Variants in THSD7B observed in about 807,000 individuals in gnomAD.
THSD7B encodes the protein thrombospondin type-1 domain-containing protein 7B.
Under a neutral mutation model 213.6 loss-of-function variants are expected in THSD7B, and 138 were observed. That is an observed-to-expected ratio of 0.65 (90% confidence interval 0.56 to 0.74). The LOEUF (loss-of-function observed/expected upper bound fraction) is 0.74. Ranked by LOEUF, THSD7B falls within the 30% of genes least tolerant of loss-of-function variation. The pLI, the probability that THSD7B is intolerant of heterozygous loss-of-function variation, is 0.00. For missense variants in THSD7B, 1,931 were observed against 1,991.5 expected (o/e 0.97, Z 0.58); for synonymous variants, 742 against 687.0 (o/e 1.08, Z -1.25).
intron 15 of THSD7B, among the ~76,000 whole-genome samples, chr2:137,465,126 A>G (rs889327795): frequency 6.6e-6 from 1 of 152,014 alleles, no homozygotes; most frequent in Non-Finnish European, 1.5e-5. Context: ...GCTCTGCCAT[A>G]TATTAATCCT....
chr2:137,543,991 T>A lies in THSD7B; in HGVS notation c.3139-19230T>A, dbSNP rs934007527. 4.6e-5 allele frequency among the ~76,000 whole-genome samples: 7 copies of A among 151,774 alleles called. No individual in the cohort carries two copies. In the South Asian group the frequency reaches 1.2e-3, roughly 27 times the overall value. Reference sequence around the variant, plus strand: ...AGTGTTGGTGAAGATGTTGAGTAATTGTAATCATCATGTATTGTTGGTGAG... The same window carrying A: ...AGTGTTGGTGAAGATGTTGAGTAATAGTAATCATCATGTATTGTTGGTGAG... On this transcript the variant is annotated intron_variant, in intron 15 of 27. Transcript: ENST00000409968.
chr2:137,421,273 G>A (rs1311602941), intron 14 of THSD7B, among the ~76,000 whole-genome samples: 2 of 152,078 alleles, frequency 1.3e-5, no homozygotes, highest in African/African-American at 4.8e-5. Context: ...TTCTAATACT[G>A]TCTATCTGGA....
intron 12 of THSD7B, among the ~76,000 whole-genome samples, chr2:137,351,319 A>G (rs948282823): frequency 6.6e-5 from 10 of 151,998 alleles, no homozygotes. Context: ...TAAAAGTAAT[A>G]CGTTTAATAT....
intron 15 of THSD7B, among the ~76,000 whole-genome samples, chr2:137,473,112 AAC>A (rs1688124129): frequency 6.7e-6 from 1 of 148,654 alleles, no homozygotes; most frequent in East Asian, 2.0e-4. Context: ...TTTTTTGAGT[AAC>A]AGTCTCCATT....
intron 12 of THSD7B, among the ~76,000 whole-genome samples, chr2:137,376,668 A>C (rs775714141): frequency 1.6e-4 from 24 of 152,338 alleles, no homozygotes; most frequent in Admixed American, 8.5e-4. Context: ...TAGGGGTTTA[A>C]GGAGCATAAA....
chr2:137,355,846 A>G (rs1685113951), intron 12 of THSD7B, among the ~76,000 whole-genome samples: 2 of 152,164 alleles, frequency 1.3e-5, no homozygotes, highest in Admixed American at 1.3e-4. Flanking sequence ...AGTGTGTAGA[A>G]TTGTATTGAC....
chr2:137,071,091 C>T (rs1009854722), intron 3 of THSD7B, among the ~76,000 whole-genome samples: 14 of 152,190 alleles, frequency 9.2e-5, no homozygotes, highest in African/African-American at 3.4e-4. Context: ...AATGGAATGG[C>T]TGGGTCAAGT....
At chr2:137,164,974 C>A (rs1410132082) in intron 6 of THSD7B, among the ~76,000 whole-genome samples, 1 of 151,996 alleles carries the variant, frequency 6.6e-6, no homozygotes, top group Non-Finnish European at 1.5e-5. Context: ...CACATGTATA[C>A]ATATGTAACA....
intron 12 of THSD7B, among the ~76,000 whole-genome samples, chr2:137,374,182 G>C (rs980846025): frequency 6.6e-6 from 1 of 151,886 alleles, no homozygotes; most frequent in African/African-American, 2.4e-5. Flanking sequence ...GAGAGAGCTG[G>C]GAATCTGGCT....
chr2:137,347,190 T>G (rs1352339347), intron 12 of THSD7B, among the ~76,000 whole-genome samples: 2 of 151,694 alleles, frequency 1.3e-5, no homozygotes, highest in African/African-American at 4.8e-5. Context: ...AATTTAAATA[T>G]TAATCAACCT....
chr2:137,214,120 G>A (rs574597979), intron 7 of THSD7B, among the ~76,000 whole-genome samples: 1 of 152,122 alleles, frequency 6.6e-6, no homozygotes, highest in African/African-American at 2.4e-5. Context: ...TTTGATTCTA[G>A]ATAATAACTC....
intron 27 of THSD7B, among the ~76,000 whole-genome samples, chr2:137,674,614 A>G (rs1421714327): frequency 1.3e-5 from 2 of 152,224 alleles, no homozygotes; most frequent in South Asian, 2.1e-4. Flanking sequence ...GTTAAATTGA[A>G]TGTTATTCAG....
At chr2:137,576,910 A>G (rs1005567440) in intron 17 of THSD7B, among the ~76,000 whole-genome samples, 1 of 151,698 alleles carries the variant, frequency 6.6e-6, no homozygotes, top group Non-Finnish European at 1.5e-5. Context: ...ACCTGTGTAA[A>G]TTATGTTTCA....
rs1301284443 is a variant in THSD7B at position 137,656,851 on chromosome 2, T to C, written c.4161T>C (p.Ile1387=). The C allele has an allele frequency of 6.2e-7, 1 of 1,613,976 alleles. No individual in the cohort carries two copies. The highest frequency in any genetic ancestry group is 1.7e-5 in the Admixed American group (1 of 60,018). Residue 1387 remains isoleucine (I), a synonymous_variant, in exon 23 of 28, where the codon ATT becomes ATC. Coordinates refer to ENST00000409968, the MANE Select transcript of THSD7B (RefSeq NM_001316349.2). ...GGAGCACATGTGAATTAACCTGCAT[T>C]GATGGAAGAAGCTTTGAGACTGTGG... The part of the protein sequence containing the change: ...SEWSTCELTC[I]DGRSFETVGR...
chr2:137,071,920 A>G (rs963930230), intron 3 of THSD7B, among the ~76,000 whole-genome samples: 1 of 152,088 alleles, frequency 6.6e-6, no homozygotes, highest in African/African-American at 2.4e-5. Context: ...ATAGTTGCAG[A>G]TATGCGGCAT....
At chr2:136,976,697 C>A (rs1209605560) in intron 2 of THSD7B, among the ~76,000 whole-genome samples, 7 of 151,892 alleles carry the variant, frequency 4.6e-5, no homozygotes, top group Admixed American at 4.6e-4. Context: ...TCTCGGCTCA[C>A]TGCAAGCTCC....
At chr2:137,508,543 AT>A (rs70978232) in intron 15 of THSD7B, among the ~76,000 whole-genome samples, 65,791 of 132,254 alleles carry the variant, frequency 0.5, 15,707 homozygotes, top group East Asian at 0.67. Flanking sequence ...TGCCCGGCTA[AT>A]TTTTTTTTTT....
chr2:137,325,228 G>A (rs943890722), intron 12 of THSD7B, among the ~76,000 whole-genome samples: 10 of 152,022 alleles, frequency 6.6e-5, no homozygotes, highest in African/African-American at 2.2e-4. Flanking sequence ...CCACATCTGG[G>A]CCATCTCTGA....
chr2:137,022,139 CTA>C (rs1212122731), intron 2 of THSD7B, among the ~76,000 whole-genome samples: 1 of 152,156 alleles, frequency 6.6e-6, no homozygotes, highest in Non-Finnish European at 1.5e-5. Context: ...ATGAATAAAA[CTA>C]TAGTGAACAT....
Sources: allele counts gnomAD v4.1 joint callset (sites outside exome capture counted in the v4.1 genomes callset), GRCh38; gene constraint gnomAD v4.1.1; transcripts MANE v1.5; gene names NCBI Gene and HGNC (gene_info 2026-07-23, HGNC 2026-07-21).